Variants in DENND5B observed in about 807,000 individuals in gnomAD.
The protein encoded by DENND5B is DENN domain-containing protein 5B.
DENND5B carries 34 observed loss-of-function variants against 140.6 expected under a neutral mutation model. That is an observed-to-expected ratio of 0.24 (90% CI 0.18 to 0.32). DENND5B has a LOEUF of 0.32. Ranked by LOEUF, DENND5B falls within the 10% of genes least tolerant of loss-of-function variation. The pLI, the probability that DENND5B is intolerant of heterozygous loss-of-function variation, is 1.00. For missense variants in DENND5B, 1,142 were observed against 1,560.2 expected, an observed-to-expected ratio of 0.73 and a Z score of 4.52; for synonymous variants, 551 against 562.1, an observed-to-expected ratio of 0.98 and a Z score of 0.28.
At chr12:31,441,491 G>GTT (rs367859536) in intron 7 of DENND5B, among the ~76,000 whole-genome samples, 2 of 144,360 alleles carry the variant, frequency 1.4e-5, no homozygotes, top group Admixed American at 6.9e-5. Context: ...CCTGGCCCAA[G>GTT]TTTTTTTTTT....
At chr12:31,574,602 A>G (rs1949948291) in intron 1 of DENND5B, among the ~76,000 whole-genome samples, 1 of 152,176 alleles carries the variant, frequency 6.6e-6, no homozygotes, top group Admixed American at 6.5e-5. Context: ...AATAAAAAAT[A>G]AAATAATAAA....
At chr12:31,409,810 T>C (rs937465568) in intron 13 of DENND5B, among the ~76,000 whole-genome samples, 1 of 151,942 alleles carries the variant, frequency 6.6e-6, no homozygotes, top group African/African-American at 2.4e-5. Flanking sequence ...TCCCATTATG[T>C]CTTTTTTCCA....
intron 1 of DENND5B, among the ~76,000 whole-genome samples, chr12:31,587,962 T>G (rs1162076694): frequency 6.6e-6 from 1 of 152,216 alleles, no homozygotes; most frequent in Non-Finnish European, 1.5e-5. Flanking sequence ...ACATCAGATC[T>G]TGTCATTACT....
intron 14 of DENND5B, among the ~76,000 whole-genome samples, chr12:31,406,477 G>A (rs1392897625): frequency 1.3e-5 from 2 of 152,064 alleles, no homozygotes; most frequent in East Asian, 1.9e-4. Context: ...ATATATTCAC[G>A]GTTTAGTAAT....
chr12:31,537,686 TAAAAAAACAAAAAAC>T (rs1347485970), intron 1 of DENND5B, among the ~76,000 whole-genome samples: 1 of 151,322 alleles, frequency 6.6e-6, no homozygotes, highest in East Asian at 1.9e-4. Context: ...CTGAAGGGAT[TAAAAAAACAAAAAAC>T]AAAAAAACAA....
At chr12:31,465,040 T>C (rs1945195066) in intron 3 of DENND5B, 1 of 152,246 alleles carries the variant, frequency 6.6e-6, no homozygotes, top group Non-Finnish European at 1.5e-5. Context: ...AAAAACATAC[T>C]GTCAAAAATG....
intron 1 of DENND5B, among the ~76,000 whole-genome samples, chr12:31,566,382 A>G (rs1390900589): frequency 1.4e-5 from 2 of 144,204 alleles, no homozygotes; most frequent in African/African-American, 5.0e-5. Flanking sequence ...AATTCAAGCA[A>G]TACTTTTATT....
chr12:31,534,156 GT>G (rs1311222776), intron 1 of DENND5B, among the ~76,000 whole-genome samples: 6 of 147,854 alleles, frequency 4.1e-5, no homozygotes, highest in Admixed American at 1.4e-4. Flanking sequence ...CTTGTGTCAA[GT>G]TTTTTTTTTG....
chr12:31,553,497 T>A (rs1949153143), intron 1 of DENND5B, among the ~76,000 whole-genome samples: 3 of 152,202 alleles, frequency 2.0e-5, no homozygotes, highest in African/African-American at 7.2e-5. Context: ...GTAGTCAATT[T>A]TGGAGTAGGT....
At chr12:31,520,919 T>C (rs537839044) in intron 1 of DENND5B, among the ~76,000 whole-genome samples, 1 of 152,260 alleles carries the variant, frequency 6.6e-6, no homozygotes, top group African/African-American at 2.4e-5. Context: ...GTATCCAAAA[T>C]ATTGCTCCAA....
chr12:31,549,894 C>T (rs1948983650), intron 1 of DENND5B, among the ~76,000 whole-genome samples: 1 of 152,078 alleles, frequency 6.6e-6, no homozygotes, highest in Admixed American at 6.6e-5. Context: ...CACGTCTTTG[C>T]TACTGCAGAT....
At chr12:31,577,710 C>CAAAAAAA (rs35015214) in intron 1 of DENND5B, among the ~76,000 whole-genome samples, 1 of 70,504 alleles carries the variant, frequency 1.4e-5, no homozygotes, top group African/African-American at 5.5e-5. Context: ...GACTCTGTCT[C>CAAAAAAA]AAAAAAAAAA....
At chr12:31,445,177 G>C (rs1944223053) in intron 6 of DENND5B, among the ~76,000 whole-genome samples, 1 of 152,198 alleles carries the variant, frequency 6.6e-6, no homozygotes, top group Admixed American at 6.5e-5. Flanking sequence ...CAAAGAACAG[G>C]TTAAGGACCA....
chr12:31,491,493 G>C (rs1946525569), intron 2 of DENND5B, among the ~76,000 whole-genome samples: 1 of 151,940 alleles, frequency 6.6e-6, no homozygotes, highest in Non-Finnish European at 1.5e-5. Flanking sequence ...CTCCAATCTG[G>C]GAGACAGAGT....
chr12:31,402,696 T>C (rs1941868886), intron 14 of DENND5B, 53 bp from the exon 15 acceptor site: 3 of 1,545,372 alleles, frequency 1.9e-6, no homozygotes, highest in Non-Finnish European at 1.7e-6. Flanking sequence ...ATTCTCCTTA[T>C]AACAAAACAT....
intron 9 of DENND5B, among the ~76,000 whole-genome samples, chr12:31,425,996 C>T (rs7959877): frequency 0.57 from 86,778 of 151,980 alleles, 25,262 homozygotes; most frequent in East Asian, 0.82. Flanking sequence ...AAGATGACAA[C>T]ATTCCTGACG....
intron 1 of DENND5B, among the ~76,000 whole-genome samples, chr12:31,529,743 A>T (rs546134056): frequency 6.8e-6 from 1 of 146,682 alleles, no homozygotes; most frequent in Non-Finnish European, 1.5e-5. Flanking sequence ...ATTTTTTTTA[A>T]AAAAGAAAAC....
At chr12:31,395,290 G>C (rs757324624) in intron 17 of DENND5B, among the ~76,000 whole-genome samples, 13 of 152,122 alleles carry the variant, frequency 8.5e-5, no homozygotes, top group Non-Finnish European at 1.3e-4. Context: ...ACCAATATTT[G>C]TTGCTATAAG....
intron 1 of DENND5B, among the ~76,000 whole-genome samples, chr12:31,532,186 C>G (rs1034052407): frequency 6.6e-6 from 1 of 152,170 alleles, no homozygotes; most frequent in African/African-American, 2.4e-5. Context: ...ATGGAGTACT[C>G]TGGGATGTCA....
Sources: allele counts gnomAD v4.1 joint callset (sites outside exome capture counted in the v4.1 genomes callset), GRCh38; gene constraint gnomAD v4.1.1; transcripts MANE v1.5; gene names NCBI Gene and HGNC (gene_info 2026-07-23, HGNC 2026-07-21).